The following CCDC68 variants were observed in gnomAD, a reference collection of about 807,000 sequenced individuals.
The protein encoded by CCDC68 is coiled-coil domain containing 68.
Under a neutral mutation model 47.1 loss-of-function variants are expected in CCDC68, and 45 were observed. The observed-to-expected ratio is 0.96, with a 90% CI of 0.75 to 1.23. The LOEUF (loss-of-function observed/expected upper bound fraction) is 1.23. Ranked by LOEUF, CCDC68 falls within the 50% of genes most tolerant of loss-of-function variation. The probability of loss-of-function intolerance (pLI) is 0.00; values close to 1 mark genes in which losing one functional copy is unlikely to be tolerated. For missense variants in CCDC68, 353 were observed against 373.6 expected, an observed-to-expected ratio of 0.94 and a Z score of 0.45; for synonymous variants, 131 against 129.5, an observed-to-expected ratio of 1.01 and a Z score of -0.08.
intron 11 of CCDC68, among the ~76,000 whole-genome samples, chr18:54,905,167 T>A (rs1913914852): frequency 6.6e-6 from 1 of 151,872 alleles, no homozygotes; most frequent in African/African-American, 2.4e-5. Flanking sequence ...GGTGGGAGAA[T>A]CCCTTGAGCC....
At chr18:54,926,299 G>A (rs2044143688) in intron 8 of CCDC68, among the ~76,000 whole-genome samples, 1 of 152,210 alleles carries the variant, frequency 6.6e-6, no homozygotes, top group African/African-American at 2.4e-5. Flanking sequence ...TTACAGTCAT[G>A]TTGGAAGGGC....
At chr18:54,948,984 T>C (rs1350696297) in intron 1 of CCDC68, among the ~76,000 whole-genome samples, 2 of 151,990 alleles carry the variant, frequency 1.3e-5, no homozygotes, top group Non-Finnish European at 2.9e-5. Flanking sequence ...CCTAGAGCAG[T>C]GTTTTTGTTT....
intron 1 of CCDC68, chr18:54,954,703 T>C (rs1005376782): frequency 2.0e-5 from 3 of 152,130 alleles, no homozygotes; most frequent in Non-Finnish European, 4.4e-5. Flanking sequence ...AAATACCTCT[T>C]AGGAGATACT....
intron 7 of CCDC68, among the ~76,000 whole-genome samples, chr18:54,929,658 T>C (rs894196389): frequency 6.6e-6 from 1 of 152,172 alleles, no homozygotes; most frequent in African/African-American, 2.4e-5. Flanking sequence ...GGAATTGGTA[T>C]TGGCAACATG....
chr18:54,926,473 A>G (rs2044147089), intron 8 of CCDC68, among the ~76,000 whole-genome samples: 1 of 152,232 alleles, frequency 6.6e-6, no homozygotes, highest in Non-Finnish European at 1.5e-5. Flanking sequence ...ACCTCCCACC[A>G]GGTTTCTCCC....
At chr18:54,917,793 A>G in intron 10 of CCDC68, 120 bp downstream of exon 10, 1 of 680,746 alleles carries the variant, frequency 1.5e-6, no homozygotes, top group Non-Finnish European at 2.6e-6. Flanking sequence ...CATACAATGC[A>G]TGCTTTCATA....
chr18:54,920,781 T>A (rs1483120049), intron 8 of CCDC68, among the ~76,000 whole-genome samples: 1 of 152,178 alleles, frequency 6.6e-6, no homozygotes, highest in Non-Finnish European at 1.5e-5. Context: ...TGGAAAGCAG[T>A]TTGGACATTT....
chr18:54,942,969 AT>A (rs1161959476), intron 2 of CCDC68, 166 bp from the exon 3 acceptor site: 1 of 462,384 alleles, frequency 2.2e-6, no homozygotes, highest in African/African-American at 2.1e-5. Context: ...TTAATTTAAT[AT>A]AAAGCCATAT....
intron 6 of CCDC68, among the ~76,000 whole-genome samples, chr18:54,935,607 T>G (rs957922154): frequency 1.6e-4 from 24 of 152,168 alleles, no homozygotes; most frequent in Non-Finnish European, 7.3e-5. Context: ...ATTACAGGGA[T>G]GCACACTTCC....
At chr18:54,915,442 C>T (rs1356533536) in intron 10 of CCDC68, among the ~76,000 whole-genome samples, 1 of 152,156 alleles carries the variant, frequency 6.6e-6, no homozygotes, top group Non-Finnish European at 1.5e-5. Context: ...CAGTGCAGTG[C>T]CATATATATT....
intron 7 of CCDC68, among the ~76,000 whole-genome samples, chr18:54,930,497 A>G (rs1239631895): frequency 1.3e-5 from 2 of 151,978 alleles, no homozygotes; most frequent in African/African-American, 4.8e-5. Context: ...GCTTTTTCAA[A>G]TTTTTCTTAT....
chr18:54,950,571 A>C (rs2044595974), intron 1 of CCDC68, among the ~76,000 whole-genome samples: 1 of 152,194 alleles, frequency 6.6e-6, no homozygotes, highest in Non-Finnish European at 1.5e-5. Flanking sequence ...ATTCAACTAC[A>C]TGCTAATCAT....
At chr18:54,924,582 T>G (rs1313333541) in intron 8 of CCDC68, among the ~76,000 whole-genome samples, 2 of 152,222 alleles carry the variant, frequency 1.3e-5, no homozygotes, top group Non-Finnish European at 2.9e-5. Flanking sequence ...TATTTCTGGT[T>G]CACTTCCTGT....
rs1296222417 is a variant in CCDC68, at chr18:54,903,385, A to T, written c.*973T>A. On this transcript the variant is annotated 3_prime_UTR_variant, in exon 12 of 12. Coordinates refer to ENST00000591504, the MANE Select transcript of CCDC68 (RefSeq NM_025214.3). ...TTCACTGCAATCACAAACTCCACCT[A>T]CAAAGAAGGCATGTATCAGAATTTA... 4 of 152,210 alleles carry T rather than the reference A, an allele frequency of 2.6e-5. No homozygotes were observed. Among genetic ancestry groups the T allele is most frequent in the African/African-American group, 4.8e-5 (2 of 41,460 alleles). 9.4% of individuals were successfully genotyped at this position (152,210 alleles called of 1,614,324 possible).
chr18:54,927,239 G>C (rs956600139), intron 8 of CCDC68, among the ~76,000 whole-genome samples: 2 of 152,074 alleles, frequency 1.3e-5, no homozygotes, highest in African/African-American at 4.8e-5. Context: ...AATTGCATAA[G>C]CCTGGATGTT....
chr18:54,915,855 GGAGGCA>G (rs2043940265), intron 10 of CCDC68, among the ~76,000 whole-genome samples: 1 of 152,124 alleles, frequency 6.6e-6, no homozygotes. Flanking sequence ...CTTGAACCCA[GGAGGCA>G]GAGGTTGCAG....
chr18:54,950,345 T>G (rs1406756586), intron 1 of CCDC68, among the ~76,000 whole-genome samples: 4 of 152,348 alleles, frequency 2.6e-5, no homozygotes, highest in Admixed American at 2.6e-4. Context: ...AAACCCTTGA[T>G]GAGGCTAACC....
chr18:54,942,908 G>A (rs2044462539), intron 2 of CCDC68, 105 bp from the exon 3 acceptor site: 4 of 681,664 alleles, frequency 5.9e-6, no homozygotes, highest in Admixed American at 2.6e-5. Flanking sequence ...GTCAAATATA[G>A]CAGAAAAGCT....
chr18:54,934,953 G>A lies in CCDC68; in HGVS notation c.472-5C>T. 6.4e-6 allele frequency: 10 copies of A among 1,574,510 alleles called. No homozygotes were observed. The highest frequency in any genetic ancestry group is 8.6e-6 in the Non-Finnish European group (10 of 1,164,252). On this transcript the variant is annotated splice_polypyrimidine_tract_variant and splice_region_variant and intron_variant, in intron 6 of 11. Coordinates refer to ENST00000591504, the MANE Select transcript of CCDC68 (RefSeq NM_025214.3). ...TTCTTTTTCAAGCTTGTTAACCTAT[G>A]GTCAGAGAATCAGTTGTGTTGTGAA...
Sources: allele counts gnomAD v4.1 joint callset (sites outside exome capture counted in the v4.1 genomes callset), GRCh38; gene constraint gnomAD v4.1.1; transcripts MANE v1.5; gene names NCBI Gene and HGNC (gene_info 2026-07-23, HGNC 2026-07-21).